MPHOSPH6: variants seen among roughly 807,000 people sequenced by gnomAD.
The protein encoded by MPHOSPH6 is M-phase phosphoprotein 6.
In MPHOSPH6, 25 loss-of-function variants were observed where a neutral mutation model predicts 21.8. The ratio of observed to expected loss-of-function variants is 1.15; its 90% CI spans 0.83 to 1.60. MPHOSPH6 has a LOEUF of 1.60. Ranked by LOEUF, MPHOSPH6 falls within the 40% of genes most tolerant of loss-of-function variation. MPHOSPH6 has a pLI of 0.00. For missense variants in MPHOSPH6, 269 were observed against 181.8 expected (o/e 1.48, Z -2.76); for synonymous variants, 84 against 56.5 (o/e 1.49, Z -2.18).
At chr16:82,163,286 A>G (rs1468820567) in intron 2 of MPHOSPH6, among the ~76,000 whole-genome samples, 1 of 152,244 alleles carries the variant, frequency 6.6e-6, no homozygotes. Flanking sequence ...CTACCATACA[A>G]CAGAGCTTAC....
Position 82,148,644 on chromosome 16 carries a change from T to C in MPHOSPH6, c.*87A>G. The C allele has an allele frequency of 2.7e-6, 4 of 1,461,244 alleles. No homozygotes were observed. The highest frequency in any genetic ancestry group is 3.7e-6 in the Non-Finnish European group (4 of 1,085,490). The allele number at this position is 1,461,244 out of a possible 1,614,324, so 90.5% of individuals were successfully genotyped here. A position where few individuals can be genotyped will look rare whatever the true frequency, so the allele number is the denominator to read the frequency against. On this transcript the variant is annotated 3_prime_UTR_variant, in exon 5 of 5. Coordinates refer to ENST00000258169, the MANE Select transcript of MPHOSPH6 (RefSeq NM_005792.2). ...TTACAAGTAAACGTTACAGTATTAA[T>C]AACTATAGAGACACCATTGGGATGA...
At chr16:82,163,459 C>T (rs1906667399) in intron 2 of MPHOSPH6, among the ~76,000 whole-genome samples, 1 of 152,222 alleles carries the variant, frequency 6.6e-6, no homozygotes, top group Non-Finnish European at 1.5e-5. Flanking sequence ...GCCTTCAGCA[C>T]TGACTAGCTG....
Position 82,164,204 on chromosome 16 carries a change from C to G in MPHOSPH6, c.52-10G>C. 6.4e-7 allele frequency: 1 copy of G among 1,553,478 alleles called. No individual in the cohort carries two copies. Among genetic ancestry groups the G allele is most frequent in the Non-Finnish European group, 8.8e-7 (1 of 1,138,994 alleles). ...GTCCCCTTTGCATAAACTGTGAAAA[C>G]AAACAAAATCAATGTCAGAAACTTT... On this transcript the variant is annotated splice_polypyrimidine_tract_variant and intron_variant, in intron 1 of 4. Coordinates refer to ENST00000258169, the MANE Select transcript of MPHOSPH6 (RefSeq NM_005792.2).
At position 82,148,681 on chromosome 16, in the gene MPHOSPH6, C is replaced by T. The variant is rs3751863; in HGVS notation, c.*50G>A. 403 of 1,599,334 alleles carry T rather than the reference C, an allele frequency of 2.5e-4. 3 individuals are homozygous for T. In the African/African-American group the frequency reaches 4.9e-3, roughly 19 times the overall value. ...CACCATTGGGATGAGCTCCAGATGCCCTGCTGACTTCCACCAAGCACCCCT... is the reference window on the plus strand; with the variant it reads ...CACCATTGGGATGAGCTCCAGATGCTCTGCTGACTTCCACCAAGCACCCCT... On this transcript the variant is annotated 3_prime_UTR_variant, in exon 5 of 5. Transcript: ENST00000258169.
chr16:82,148,607 A>G lies in MPHOSPH6; in HGVS notation c.*124T>C. The G allele has an allele frequency of 6.6e-6, 8 of 1,217,104 alleles. No individual in the cohort carries two copies. Among genetic ancestry groups the G allele is most frequent in the Non-Finnish European group, 8.9e-6 (8 of 900,870 alleles). The allele number at this position is 1,217,104 out of a possible 1,614,324, so 75.4% of individuals were successfully genotyped here. A position where few individuals can be genotyped will look rare whatever the true frequency, so the allele number is the denominator to read the frequency against. On this transcript the variant is annotated 3_prime_UTR_variant, in exon 5 of 5. Transcript: ENST00000258169. ...GTTTCAAAAACAGCATGTTTCTAAA[A>G]TGATAATCTCTTTACAAGTAAACGT...
chr16:82,151,366 T>C (rs752248500), intron 3 of MPHOSPH6, 58 bp downstream of exon 3: 3 of 1,593,678 alleles, frequency 1.9e-6, no homozygotes, highest in East Asian at 2.2e-5. Context: ...AGCCCAATTA[T>C]TAGCAGAAAA....
chr16:82,157,526 T>C (rs1227939365), intron 2 of MPHOSPH6, among the ~76,000 whole-genome samples: 1 of 152,236 alleles, frequency 6.6e-6, no homozygotes. Context: ...TACGTGATGA[T>C]GGAAATGTTT....
chr16:82,166,960 C>G (rs1427972930), intron 1 of MPHOSPH6, among the ~76,000 whole-genome samples: 1 of 152,158 alleles, frequency 6.6e-6, no homozygotes, highest in African/African-American at 2.4e-5. Context: ...TTTCAGAACA[C>G]ATTCCAAAAC....
At position 82,151,502 on chromosome 16, in the gene MPHOSPH6, T is replaced by C; in HGVS notation, c.177A>G (p.Ile59Met). The C allele has an allele frequency of 1.9e-6, 3 of 1,589,158 alleles. No homozygotes were observed. The highest frequency in any genetic ancestry group is 1.7e-6 in the Non-Finnish European group (2 of 1,169,926). The change falls in exon 3 of 5, where the codon ATA becomes ATG. Residue 59 changes from isoleucine (I) to methionine (M), a missense_variant. Transcript: ENST00000258169. The stretch of plus-strand genomic sequence containing the variant: ...CACATAGTAAGAAACTCTGCTCTTC[T>C]ATTATGAAACTCCTAAATGGGAAAA... ...PELKEKESFI[I>M]EEQSFLLCED... is the part of the protein sequence containing the mutation.
intron 2 of MPHOSPH6, among the ~76,000 whole-genome samples, chr16:82,163,235 T>C (rs762519806): frequency 6.6e-5 from 10 of 152,202 alleles, no homozygotes; most frequent in Non-Finnish European, 1.0e-4. Flanking sequence ...CTCAAGACAG[T>C]AAGCAGCATC....
chr16:82,168,352 T>C (rs954383131), intron 1 of MPHOSPH6, among the ~76,000 whole-genome samples: 9 of 152,222 alleles, frequency 5.9e-5, no homozygotes, highest in African/African-American at 2.2e-4. Context: ...TGCATGAAAG[T>C]GCTTGACAAA....
chr16:82,161,981 C>T (rs1002938794), intron 2 of MPHOSPH6, among the ~76,000 whole-genome samples: 15 of 152,120 alleles, frequency 9.9e-5, no homozygotes, highest in African/African-American at 3.6e-4. Flanking sequence ...ATAGTTAAGA[C>T]AACACTAGCA....
intron 3 of MPHOSPH6, 70 bp from the exon 4 acceptor site, chr16:82,149,473 C>A (rs1488901757): frequency 1.5e-6 from 2 of 1,334,174 alleles, no homozygotes; most frequent in East Asian, 4.6e-5. Flanking sequence ...TCAAACTTAC[C>A]TGAAGGCAGA....
At chr16:82,168,842 A>G (rs1264003586) in intron 1 of MPHOSPH6, among the ~76,000 whole-genome samples, 2 of 152,198 alleles carry the variant, frequency 1.3e-5, no homozygotes, top group African/African-American at 2.4e-5. Context: ...ATGACATGTA[A>G]CAGTTTGCTA....
At chr16:82,163,532 A>G (rs1230991269) in intron 2 of MPHOSPH6, among the ~76,000 whole-genome samples, 2 of 152,238 alleles carry the variant, frequency 1.3e-5, no homozygotes, top group Non-Finnish European at 2.9e-5. Flanking sequence ...TGACAGAATC[A>G]TAGGAGGCAG....
At chr16:82,156,567 T>C (rs1906434352) in intron 2 of MPHOSPH6, among the ~76,000 whole-genome samples, 1 of 152,114 alleles carries the variant, frequency 6.6e-6, no homozygotes, top group African/African-American at 2.4e-5. Context: ...TTAAAAACCA[T>C]AATAAGATGC....
intron 2 of MPHOSPH6, among the ~76,000 whole-genome samples, chr16:82,161,901 C>T (rs775805302): frequency 1.3e-5 from 2 of 152,286 alleles, no homozygotes; most frequent in African/African-American, 2.4e-5. Context: ...CAGACTGATA[C>T]GGCTGACATT....
chr16:82,148,960 T>C, intron 4 of MPHOSPH6, 97 bp from the exon 5 acceptor site: 2 of 1,437,708 alleles, frequency 1.4e-6, no homozygotes, highest in Non-Finnish European at 1.9e-6. Context: ...ATAAAAAAGA[T>C]TACGAAAAAG....
intron 1 of MPHOSPH6, among the ~76,000 whole-genome samples, chr16:82,168,056 A>C (rs1906843477): frequency 6.6e-6 from 1 of 152,194 alleles, no homozygotes. Flanking sequence ...CAAATAGAGA[A>C]TGTGGGTGAT....
Sources: gnomAD v4.1 joint callset for allele counts (sites outside exome capture counted in the v4.1 genomes callset) on GRCh38, gnomAD v4.1.1 for gene constraint, MANE v1.5 for transcripts, NCBI Gene and HGNC (gene_info 2026-07-23, HGNC 2026-07-21) for gene names.